The following CCDC18 variants were observed in gnomAD, a reference collection of about 807,000 sequenced individuals.
The protein encoded by CCDC18 is coiled-coil domain-containing protein 18.
CCDC18 carries 157 observed loss-of-function variants against 196.0 expected under a neutral mutation model. The ratio of observed to expected loss-of-function variants is 0.80; its 90% CI spans 0.70 to 0.91. The LOEUF is 0.91. CCDC18 is among the 40% of genes least tolerant of loss of function. The pLI, the probability that CCDC18 is intolerant of heterozygous loss-of-function variation, is 0.00. For synonymous variants in CCDC18, 482 were observed against 529.2 expected, an observed-to-expected ratio of 0.91 and a Z score of 1.22; for missense variants, 1,465 against 1,611.6, an observed-to-expected ratio of 0.91 and a Z score of 1.56.
rs1050310893 is a variant in CCDC18, at chr1:93,246,785, A to G, written c.3082-53A>G. 9 of 826,816 alleles carry G rather than the reference A, an allele frequency of 1.1e-5. No homozygotes were observed. In the East Asian group the frequency reaches 2.2e-4, roughly 21 times the overall value. The allele number at this position is 826,816 out of a possible 1,614,324, so 51.2% of individuals were successfully genotyped here. A position where few individuals can be genotyped will look rare whatever the true frequency, so the allele number is the denominator to read the frequency against. On this transcript the variant is annotated intron_variant, in intron 22 of 28. Transcript: ENST00000690025. ...CAATTACAAAGCCTATTCTAAGCAT[A>G]CAAGTTTTTATATCAGAATAAAATT... is the stretch of plus-strand genomic sequence containing the variant.
chr1:93,196,210 C>A (rs1452703203), intron 6 of CCDC18, among the ~76,000 whole-genome samples: 5 of 152,020 alleles, frequency 3.3e-5, no homozygotes, highest in African/African-American at 1.2e-4. Context: ...GGAGTCCCAG[C>A]TACTCAGGAG....
chr1:93,204,176 T>C (rs1296202579), intron 7 of CCDC18, among the ~76,000 whole-genome samples: 2 of 151,916 alleles, frequency 1.3e-5, no homozygotes, highest in Middle Eastern at 3.4e-3. Context: ...TTATAAGGAA[T>C]AAAAGATGGC....
chr1:93,257,186 C>T (rs530404665), intron 25 of CCDC18, among the ~76,000 whole-genome samples: 26 of 126,386 alleles, frequency 2.1e-4, no homozygotes, highest in East Asian at 7.8e-4. Context: ...GAGCTGAAGT[C>T]GTGCCACTGC....
In CCDC18 at chr1:93,221,887, A is replaced by C. The variant is rs1203522686; in HGVS notation, c.2126A>C (p.Asp709Ala). Reference protein sequence around the residue: ...GEMKKENMKKDEALKALQNQV... With the variant: ...GEMKKENMKKAEALKALQNQV... ...ATGAAAAAGGAAAATATGAAGAAAG[A>C]TGAAGCTTTAAAAGCATTACAGAAC... Residue 709 changes from aspartate to alanine, a missense_variant, in exon 16 of 29, where the codon GAT becomes GCT. Physicochemically the swap from Asp to Ala is moderately radical, Grantham distance 126. Transcript: ENST00000690025. 1.2e-6 allele frequency: 2 copies of C among 1,602,760 alleles called. No homozygotes were observed. Among genetic ancestry groups the C allele is most frequent in the African/African-American group, 2.7e-5 (2 of 74,306 alleles).
At chr1:93,239,956 T>C in intron 21 of CCDC18, 60 bp downstream of exon 21, 3 of 1,170,312 alleles carry the variant, frequency 2.6e-6, no homozygotes, top group Non-Finnish European at 2.5e-6. Context: ...TACAATAAAA[T>C]ATGTTGTTGC....
Position 93,193,764 on chromosome 1 carries a change from A to G in CCDC18, c.698+20A>G. ...AAAAAGGTATGTGTTTTTAAAGCAA[A>G]TACATGTTTTTGAAAGGGAATAAAA... On this transcript the variant is annotated intron_variant, in intron 6 of 28. Transcript: ENST00000690025. 1.3e-6 allele frequency: 2 copies of G among 1,525,862 alleles called. No individual in the cohort carries two copies. Among genetic ancestry groups the G allele is most frequent in the Non-Finnish European group, 1.7e-6 (2 of 1,143,136 alleles). 94.5% of individuals were successfully genotyped at this position (1,525,862 alleles called of 1,614,324 possible).
At chr1:93,243,030 T>C (rs903410559) in intron 21 of CCDC18, among the ~76,000 whole-genome samples, 3 of 152,216 alleles carry the variant, frequency 2.0e-5, no homozygotes, top group Non-Finnish European at 4.4e-5. Flanking sequence ...TCTGTTATTC[T>C]GGGGTTCTGG....
chr1:93,270,570 T>C lies in CCDC18; in HGVS notation c.4109T>C (p.Leu1370Pro), dbSNP rs1008066199. Residue 1370 changes from leucine (L) to proline (P), a missense_variant, in exon 28 of 29, where the codon CTT becomes CCT. Physicochemically the swap from Leu to Pro is moderately conservative, Grantham distance 98 (BLOSUM62 -3). Coordinates refer to ENST00000690025, the MANE Select transcript of CCDC18 (RefSeq NM_001378204.1). ...TTCAAAATTCATGGTGATGAAGATC[T>C]TTCTGAAGAATTACTACAGGACTTA... ...LTFKIHGDEDLSEELLQDLKK... is the reference protein window; with the variant it reads ...LTFKIHGDEDPSEELLQDLKK... 1.3e-6 allele frequency: 2 copies of C among 1,550,324 alleles called. No individual in the cohort carries two copies. Among genetic ancestry groups the C allele is most frequent in the African/African-American group, 2.7e-5 (2 of 73,042 alleles).
In CCDC18 at chr1:93,274,777, C is replaced by T. The variant is rs151239570; in HGVS notation, c.4354-3686C>T. Among the ~76,000 whole-genome samples, 5 of 152,152 alleles carry T rather than the reference C, an allele frequency of 3.3e-5. No homozygotes were observed. The East Asian group carries it at 5.8e-4, about 18-fold the overall frequency. On this transcript the variant is annotated intron_variant, in intron 28 of 28. Coordinates refer to ENST00000690025, the MANE Select transcript of CCDC18 (RefSeq NM_001378204.1). ...GTGGGAGGATTGCTTGAGCCCAGTTCGAGGCTGCAGTGAGCTATTATCATG... is the reference window on the plus strand; with the variant it reads ...GTGGGAGGATTGCTTGAGCCCAGTTTGAGGCTGCAGTGAGCTATTATCATG...
At position 93,221,698 on chromosome 1, in the gene CCDC18, A is replaced by G. The variant is rs774425549; in HGVS notation, c.2052A>G (p.Gln684=). Residue 684 remains glutamine (Q), a synonymous_variant, in exon 15 of 29, where the codon CAA becomes CAG. Transcript: ENST00000690025. ...TGCAACAAGATATAATATGCAAACAACATCATCTTGAATCACTAGATAGAC... is the reference window on the plus strand; with the variant it reads ...TGCAACAAGATATAATATGCAAACAGCATCATCTTGAATCACTAGATAGAC... ...SMLQQDIICK[Q]HHLESLDRLL... 1.3e-6 allele frequency: 2 copies of G among 1,597,298 alleles called. No individual in the cohort carries two copies. Among genetic ancestry groups the G allele is most frequent in the South Asian group, 1.2e-5 (1 of 86,656 alleles).
In CCDC18 at chr1:93,252,694, A is replaced by G. The variant is rs531813290; in HGVS notation, c.3199-1777A>G. ...TTGATACTTGTAGATATGCAACGAC[A>G]TCTGCATATTCAGGGACTGGGTATT... is the stretch of plus-strand genomic sequence containing the variant. On this transcript the variant is annotated intron_variant, in intron 23 of 28. Coordinates refer to ENST00000690025, the MANE Select transcript of CCDC18 (RefSeq NM_001378204.1). Among the ~76,000 whole-genome samples the G allele has an allele frequency of 2.6e-5, 4 of 152,230 alleles. 1 individual carries two copies. The highest frequency in any genetic ancestry group is 5.9e-5 in the Non-Finnish European group (4 of 68,038).
intron 18 of CCDC18, among the ~76,000 whole-genome samples, chr1:93,232,844 G>C (rs1476444470): frequency 1.3e-5 from 2 of 152,132 alleles, no homozygotes; most frequent in Admixed American, 6.5e-5. Flanking sequence ...TGTGGCACAT[G>C]CCTGTAACCC....
chr1:93,194,491 T>C (rs1047375950), intron 6 of CCDC18, among the ~76,000 whole-genome samples: 4 of 152,220 alleles, frequency 2.6e-5, no homozygotes, highest in Admixed American at 6.5e-5. Context: ...AGAAAATTTT[T>C]AGATTTTACC....
rs368007941 is a variant in CCDC18 at position 93,186,452 on chromosome 1, A to G, written c.411A>G (p.Leu137=). The change falls in exon 4 of 29, where the codon TTA becomes TTG. Residue 137 remains leucine (L), a synonymous_variant. Coordinates refer to ENST00000690025, the MANE Select transcript of CCDC18 (RefSeq NM_001378204.1). ...GTTTGGTCACACAGAATCATTCCTTAATGACTAAATTTGAATCTATTCACT... is the reference window on the plus strand; with the variant it reads ...GTTTGGTCACACAGAATCATTCCTTGATGACTAAATTTGAATCTATTCACT... The part of the protein sequence containing the change: ...NACLVTQNHS[L]MTKFESIHFE... 6.2e-7 allele frequency: 1 copy of G among 1,610,944 alleles called. No individual in the cohort carries two copies. The highest frequency in any genetic ancestry group is 8.5e-7 in the Non-Finnish European group (1 of 1,178,064).
intron 16 of CCDC18, among the ~76,000 whole-genome samples, chr1:93,222,853 T>C (rs935607249): frequency 2.6e-5 from 4 of 152,240 alleles, no homozygotes; most frequent in African/African-American, 4.8e-5. Context: ...CCAAATATGC[T>C]ATGACGTTTA....
chr1:93,277,957 A>T (rs1434593098), intron 28 of CCDC18, among the ~76,000 whole-genome samples: 1 of 151,906 alleles, frequency 6.6e-6, no homozygotes, highest in Non-Finnish European at 1.5e-5. Context: ...TCAAGCCAGA[A>T]TTATTTGCTT....
chr1:93,271,888 A>C (rs540322365), intron 28 of CCDC18, among the ~76,000 whole-genome samples: 1 of 151,946 alleles, frequency 6.6e-6, no homozygotes, highest in Non-Finnish European at 1.5e-5. Context: ...TCTTCTCTTG[A>C]CTTTTATGAT....
At position 93,205,578 on chromosome 1, in the gene CCDC18, A is replaced by G; in HGVS notation, c.864A>G (p.Gln288=). 8 of 1,597,474 alleles carry G rather than the reference A, an allele frequency of 5.0e-6. No homozygotes were observed. The highest frequency in any genetic ancestry group is 6.8e-6 in the Non-Finnish European group (8 of 1,168,146). Residue 288 remains glutamine, a synonymous_variant, in exon 8 of 29, where the codon CAA becomes CAG. Coordinates refer to ENST00000690025, the MANE Select transcript of CCDC18 (RefSeq NM_001378204.1). Reference sequence around the variant, plus strand: ...GTGAAAAAGAAAATAAAAGGCTACAAGAAAGGTGTGGTCTATATAAAAGTG... The same window carrying G: ...GTGAAAAAGAAAATAAAAGGCTACAGGAAAGGTGTGGTCTATATAAAAGTG... The part of the protein sequence containing the change: ...TNCEKENKRL[Q]ERCGLYKSEL...
intron 9 of CCDC18, 40 bp downstream of exon 9, chr1:93,207,438 A>G (rs1401271750): frequency 7.0e-7 from 1 of 1,432,462 alleles, no homozygotes; most frequent in African/African-American, 1.4e-5. Flanking sequence ...GAAGAATTTT[A>G]CTAAAGTGTT....
Sources: allele counts gnomAD v4.1 joint callset (sites outside exome capture counted in the v4.1 genomes callset), GRCh38; gene constraint gnomAD v4.1.1; transcripts MANE v1.5; gene names NCBI Gene and HGNC (gene_info 2026-07-23, HGNC 2026-07-21).